The following KLHL32 variants were observed in gnomAD, a reference collection of about 807,000 sequenced individuals.
The protein encoded by KLHL32 is kelch-like protein 32.
In KLHL32, 35 loss-of-function variants were observed where a neutral mutation model predicts 64.8. The observed-to-expected ratio is 0.54, with a 90% confidence interval of 0.41 to 0.72. The LOEUF (loss-of-function observed/expected upper bound fraction) is 0.72. KLHL32 is among the 30% of genes least tolerant of loss of function. The pLI, the probability that KLHL32 is intolerant of heterozygous loss-of-function variation, is 0.00. For synonymous variants in KLHL32, 259 were observed against 281.0 expected (o/e 0.92, Z 0.78); for missense variants, 589 against 768.5 (o/e 0.77, Z 2.76).
At chr6:96,989,878 C>T (rs1777640013) in intron 3 of KLHL32, among the ~76,000 whole-genome samples, 1 of 152,084 alleles carries the variant, frequency 6.6e-6, no homozygotes, top group African/African-American at 2.4e-5. Context: ...GTCTATTCTG[C>T]TGTTAAAAAA....
At chr6:97,075,145 A>G (rs568315473) in intron 5 of KLHL32, among the ~76,000 whole-genome samples, 1 of 152,312 alleles carries the variant, frequency 6.6e-6, no homozygotes, top group Admixed American at 6.5e-5. Context: ...TAATTGTAGA[A>G]TTCCTCTGTT....
At chr6:97,023,130 G>A (rs1782240592) in intron 3 of KLHL32, among the ~76,000 whole-genome samples, 1 of 152,172 alleles carries the variant, frequency 6.6e-6, no homozygotes, top group African/African-American at 2.4e-5. Context: ...ATTACAATTT[G>A]AGATGAGATT....
chr6:97,010,650 G>A (rs1780293237), intron 3 of KLHL32, among the ~76,000 whole-genome samples: 1 of 152,114 alleles, frequency 6.6e-6, no homozygotes, highest in Non-Finnish European at 1.5e-5. Flanking sequence ...CTAATATTCT[G>A]CTGTGTGTTG....
intron 6 of KLHL32, among the ~76,000 whole-genome samples, chr6:97,096,171 A>C (rs1285250555): frequency 6.6e-6 from 1 of 152,194 alleles, no homozygotes; most frequent in East Asian, 1.9e-4. Flanking sequence ...TTTTATATAA[A>C]AATTTTGAGT....
At chr6:97,134,724 A>G (rs1386895588) in intron 10 of KLHL32, among the ~76,000 whole-genome samples, 2 of 152,222 alleles carry the variant, frequency 1.3e-5, no homozygotes, top group Non-Finnish European at 2.9e-5. Flanking sequence ...AAATCATAAC[A>G]TAATGAGGAA....
chr6:97,069,913 G>A (rs1790435650), intron 5 of KLHL32, among the ~76,000 whole-genome samples: 1 of 151,776 alleles, frequency 6.6e-6, no homozygotes, highest in Non-Finnish European at 1.5e-5. Flanking sequence ...TGACTTATAG[G>A]AGGTTATCTC....
At chr6:96,997,019 T>G (rs995742347) in intron 3 of KLHL32, among the ~76,000 whole-genome samples, 1 of 151,938 alleles carries the variant, frequency 6.6e-6, no homozygotes, top group African/African-American at 2.4e-5. Context: ...TTGTGATGGA[T>G]GGCGATGGGG....
At chr6:97,111,436 G>A (rs1223604288) in intron 6 of KLHL32, among the ~76,000 whole-genome samples, 2 of 152,210 alleles carry the variant, frequency 1.3e-5, no homozygotes, top group African/African-American at 2.4e-5. Context: ...CCGCTTCAGT[G>A]CCAGCAGAGG....
chr6:97,110,059 G>A lies in KLHL32; in HGVS notation c.628-3724G>A, dbSNP rs182846911. ...TCTCCCCAGAAATAATTGGAACCCCGTGTCTTGAAAATTCCAAGATTAGGG... is the reference window on the plus strand; with the variant it reads ...TCTCCCCAGAAATAATTGGAACCCCATGTCTTGAAAATTCCAAGATTAGGG... On this transcript the variant is annotated intron_variant, in intron 6 of 10. Coordinates refer to ENST00000369261, the MANE Select transcript of KLHL32 (RefSeq NM_052904.4). Among the ~76,000 whole-genome samples, 4 of 152,224 alleles carry A rather than the reference G, an allele frequency of 2.6e-5. No individual in the cohort carries two copies. In the East Asian group the frequency reaches 5.8e-4, roughly 22 times the overall value.
intron 3 of KLHL32, among the ~76,000 whole-genome samples, chr6:96,979,354 CA>C (rs1776044838): frequency 2.6e-5 from 4 of 152,184 alleles, no homozygotes; most frequent in African/African-American, 9.6e-5. Flanking sequence ...CAATGTTTGA[CA>C]TATGGCTAGC....
intron 3 of KLHL32, among the ~76,000 whole-genome samples, chr6:97,002,982 A>T (rs1485666077): frequency 4.6e-5 from 7 of 152,224 alleles, no homozygotes; most frequent in African/African-American, 1.7e-4. Context: ...TATGGTAGAA[A>T]ATATATATAT....
the KLHL32 span, among the ~76,000 whole-genome samples, chr6:96,911,912 GC>G: frequency 3.0e-5 from 4 of 131,586 alleles, no homozygotes; most frequent in Admixed American, 2.8e-4. Flanking sequence ...TTTGTCCTAG[GC>G]TCTTGGCGCT....
rs181032986 is a variant in KLHL32, at chr6:97,042,711, C to A, written c.312+1112C>A. On this transcript the variant is annotated intron_variant, in intron 4 of 10. Coordinates refer to ENST00000369261, the MANE Select transcript of KLHL32 (RefSeq NM_052904.4). Reference sequence around the variant, plus strand: ...ATTATTATTTATTATAGTTACCATTCTGTGAAGTAGATCACTACAGCTTAT... The same window carrying A: ...ATTATTATTTATTATAGTTACCATTATGTGAAGTAGATCACTACAGCTTAT... 2.7e-3 allele frequency among the ~76,000 whole-genome samples: 418 copies of A among 152,276 alleles called. 4 individuals carry two copies. Among genetic ancestry groups the A allele is most frequent in the African/African-American group, 9.6e-3 (399 of 41,558 alleles).
intron 4 of KLHL32, among the ~76,000 whole-genome samples, chr6:97,046,039 A>G (rs1785872688): frequency 6.6e-6 from 1 of 152,216 alleles, no homozygotes; most frequent in African/African-American, 2.4e-5. Flanking sequence ...ATTCTGTCCA[A>G]ACACCAGAGA....
At chr6:97,123,328 C>T (rs1283120584) in intron 7 of KLHL32, among the ~76,000 whole-genome samples, 2 of 152,174 alleles carry the variant, frequency 1.3e-5, no homozygotes, top group East Asian at 1.9e-4. Context: ...CTCCAGTATG[C>T]ACTCATCCAT....
At chr6:96,948,593 A>G (rs1411731206) in intron 1 of KLHL32, among the ~76,000 whole-genome samples, 1 of 152,114 alleles carries the variant, frequency 6.6e-6, no homozygotes, top group African/African-American at 2.4e-5. Context: ...CACTAATAGT[A>G]TTTAGCAGTT....
intron 4 of KLHL32, among the ~76,000 whole-genome samples, chr6:97,051,381 A>G (rs1786874791): frequency 6.6e-6 from 1 of 152,154 alleles, no homozygotes; most frequent in Non-Finnish European, 1.5e-5. Flanking sequence ...TAATGGTTTT[A>G]TTGTCATAGG....
intron 4 of KLHL32, 69 bp downstream of exon 4, chr6:97,041,668 G>T: frequency 1.1e-6 from 1 of 884,144 alleles, no homozygotes. Flanking sequence ...GATTATCCTT[G>T]AGGTATGAGA....
At chr6:96,962,165 C>G (rs905542883) in intron 1 of KLHL32, among the ~76,000 whole-genome samples, 7 of 152,068 alleles carry the variant, frequency 4.6e-5, no homozygotes, top group African/African-American at 1.7e-4. Context: ...TTTATTTTGT[C>G]TGTGTAAATA....
Sources: gnomAD v4.1 joint callset for allele counts (sites outside exome capture counted in the v4.1 genomes callset) on GRCh38, gnomAD v4.1.1 for gene constraint, MANE v1.5 for transcripts, NCBI Gene and HGNC (gene_info 2026-07-23, HGNC 2026-07-21) for gene names.